The following DIS3L2 variants were observed in gnomAD, a reference collection of about 807,000 sequenced individuals.
The protein encoded by DIS3L2 is DIS3-like exonuclease 2.
A neutral mutation model predicts 97.5 loss-of-function variants in DIS3L2; 34 were observed. That is an observed-to-expected ratio of 0.35 (90% confidence interval 0.27 to 0.46). The LOEUF (loss-of-function observed/expected upper bound fraction) is 0.46, where lower values mean the gene tolerates loss of function less well. Ranked by LOEUF, DIS3L2 falls within the 20% of genes least tolerant of loss-of-function variation. DIS3L2 has a pLI of 1.00. For synonymous variants in DIS3L2, 435 were observed against 445.2 expected, an observed-to-expected ratio of 0.98 and a Z score of 0.29; for missense variants, 1,038 against 1,146.0, an observed-to-expected ratio of 0.91 and a Z score of 1.36.
intron 10 of DIS3L2, among the ~76,000 whole-genome samples, chr2:232,221,109 A>AAG (rs1208948434): frequency 2.0e-5 from 3 of 151,670 alleles, no homozygotes; most frequent in Non-Finnish European, 2.9e-5. Flanking sequence ...CTCAAAAAAA[A>AAG]AAAAAAAAAA....
At chr2:232,125,563 T>C (rs559865329) in intron 6 of DIS3L2, among the ~76,000 whole-genome samples, 6 of 152,310 alleles carry the variant, frequency 3.9e-5, no homozygotes, top group Admixed American at 1.3e-4. Context: ...ACTTTACCCA[T>C]AGTATAAGTT....
intron 9 of DIS3L2, among the ~76,000 whole-genome samples, chr2:232,188,078 T>G (rs193239429): frequency 1.8e-4 from 28 of 152,044 alleles, no homozygotes; most frequent in Admixed American, 5.2e-4. Flanking sequence ...AGGCGGAGGT[T>G]GCAATGAGCT....
At chr2:232,010,584 G>T (rs2106215288) in intron 1 of DIS3L2, among the ~76,000 whole-genome samples, 1 of 150,328 alleles carries the variant, frequency 6.7e-6, no homozygotes, top group Middle Eastern at 3.4e-3. Context: ...GCTTTCCATT[G>T]GCTCATCTTT....
intron 6 of DIS3L2, among the ~76,000 whole-genome samples, chr2:232,111,988 T>A (rs1697550612): frequency 6.6e-6 from 1 of 152,220 alleles, no homozygotes. Context: ...TCCAAATACA[T>A]GAGCTAATTT....
At chr2:232,204,045 G>A (rs576662921) in intron 9 of DIS3L2, among the ~76,000 whole-genome samples, 3 of 152,252 alleles carry the variant, frequency 2.0e-5, no homozygotes, top group East Asian at 1.9e-4. Context: ...TATTTTTCTC[G>A]GTAAGGAGTT....
chr2:232,144,100 TGG>T (rs367961833), intron 8 of DIS3L2, among the ~76,000 whole-genome samples: 234 of 152,296 alleles, frequency 1.5e-3, no homozygotes, highest in African/African-American at 5.1e-3. Context: ...AATGTACATT[TGG>T]GTTGAACAGA....
rs781650887 is a variant in DIS3L2 at position 232,335,921 on chromosome 2, C to T, written c.2496+47C>T. 2.6e-6 allele frequency: 4 copies of T among 1,548,720 alleles called. No homozygotes were observed. In the South Asian group the frequency reaches 3.6e-5, roughly 14 times the overall value. ...AGCCCCCTAAGTCCTGATGACCCCT[C>T]TCCTGCCTCCTGCGGTGCCCCTCAT... is the stretch of plus-strand genomic sequence containing the variant. On this transcript the variant is annotated intron_variant, in intron 20 of 20. Transcript: ENST00000325385.
At chr2:232,126,454 A>G (rs1403949324) in intron 6 of DIS3L2, among the ~76,000 whole-genome samples, 1 of 152,214 alleles carries the variant, frequency 6.6e-6, no homozygotes, top group Admixed American at 6.5e-5. Context: ...TGCTCTGCAG[A>G]GTAGAAAACA....
chr2:232,128,815 A>G (rs1314505038), intron 6 of DIS3L2, among the ~76,000 whole-genome samples: 1 of 152,016 alleles, frequency 6.6e-6, no homozygotes, highest in Non-Finnish European at 1.5e-5. Context: ...AAGGTGATTC[A>G]CCTTTTCAAC....
At chr2:232,073,602 G>GT (rs369312661) in intron 5 of DIS3L2, among the ~76,000 whole-genome samples, 2 of 152,134 alleles carry the variant, frequency 1.3e-5, no homozygotes, top group African/African-American at 4.8e-5. Context: ...TCGAGGAAAG[G>GT]TTTTTTCTAT....
intron 9 of DIS3L2, among the ~76,000 whole-genome samples, chr2:232,209,789 A>G (rs1293957278): frequency 1.3e-5 from 2 of 152,240 alleles, no homozygotes; most frequent in African/African-American, 4.8e-5. Flanking sequence ...ATAAATGGGC[A>G]CATGGTGTAC....
intron 12 of DIS3L2, among the ~76,000 whole-genome samples, chr2:232,262,556 T>A (rs1693738741): frequency 6.6e-6 from 1 of 152,192 alleles, no homozygotes; most frequent in Non-Finnish European, 1.5e-5. Context: ...GAGGTGCTCC[T>A]GACATCCAGT....
At position 232,086,357 on chromosome 2, in the gene DIS3L2, A is replaced by G. The variant is rs956094417; in HGVS notation, c.367-1130A>G. 4.9e-4 allele frequency among the ~76,000 whole-genome samples: 38 copies of G among 76,880 alleles called. 1 individual carries two copies. Among genetic ancestry groups the G allele is most frequent in the African/African-American group, 2.3e-3 (36 of 15,884 alleles). The allele number at this position is 76,880 out of a possible 152,430, so 50.4% of individuals were successfully genotyped here. A position where few individuals can be genotyped will look rare whatever the true frequency, so the allele number is the denominator to read the frequency against. On this transcript the variant is annotated intron_variant, in intron 5 of 20. Transcript: ENST00000325385. ...TGTATATATACATATATGTATATAT[A>G]TGTGTATATGTATATGTATATGTAT...
intron 5 of DIS3L2, among the ~76,000 whole-genome samples, chr2:232,045,927 G>A (rs1037454712): frequency 5.9e-5 from 9 of 151,974 alleles, no homozygotes; most frequent in Admixed American, 3.3e-4. Context: ...CACCTGCCTC[G>A]GCCTCCCAAA....
chr2:232,285,316 C>T (rs1225090430), intron 13 of DIS3L2, among the ~76,000 whole-genome samples: 2 of 152,168 alleles, frequency 1.3e-5, no homozygotes, highest in East Asian at 1.9e-4. Context: ...TGAGTGGACT[C>T]ACCTAGCACC....
intron 7 of DIS3L2, chr2:232,130,943 G>A: frequency 1.9e-6 from 1 of 538,190 alleles, no homozygotes; most frequent in South Asian, 3.8e-5. Flanking sequence ...TTTGAGTGTG[G>A]GTATGTTGAT....
chr2:232,311,063 T>C (rs1374744221), intron 14 of DIS3L2, among the ~76,000 whole-genome samples: 4 of 152,268 alleles, frequency 2.6e-5, no homozygotes, highest in Non-Finnish European at 5.9e-5. Flanking sequence ...TTTCCCATGC[T>C]GCTGAGCTAT....
intron 15 of DIS3L2, 32 bp from the exon 16 acceptor site, chr2:232,330,658 A>C (rs1385636874): frequency 6.2e-7 from 1 of 1,612,042 alleles, no homozygotes; most frequent in South Asian, 1.1e-5. Context: ...GCTGGACCAC[A>C]CGTCACATAG....
chr2:232,017,948 G>A (rs1459081771), intron 3 of DIS3L2, among the ~76,000 whole-genome samples: 2 of 152,136 alleles, frequency 1.3e-5, no homozygotes, highest in Admixed American at 1.3e-4. Flanking sequence ...TCATGTCCTT[G>A]ATGGCAGGGT....
Sources: gnomAD v4.1 joint callset for allele counts (sites outside exome capture counted in the v4.1 genomes callset) on GRCh38, gnomAD v4.1.1 for gene constraint, MANE v1.5 for transcripts, NCBI Gene and HGNC (gene_info 2026-07-23, HGNC 2026-07-21) for gene names.